The following PHGDH variants were observed in gnomAD, a reference collection of about 807,000 sequenced individuals.
PHGDH encodes D-3-phosphoglycerate dehydrogenase.
A neutral mutation model predicts 52.6 loss-of-function variants in PHGDH; 50 were observed. The observed-to-expected ratio is 0.95, with a 90% CI of 0.76 to 1.20. The LOEUF (loss-of-function observed/expected upper bound fraction) is 1.20. PHGDH is among the 50% of genes most tolerant of loss of function. The pLI is 0.00. For missense variants in PHGDH, 630 were observed against 684.6 expected (o/e 0.92, Z 0.89); for synonymous variants, 271 against 280.5 (o/e 0.97, Z 0.34).
At chr1:119,739,562 T>C (rs1359225759) in intron 8 of PHGDH, 2 of 152,252 alleles carry the variant, frequency 1.3e-5, no homozygotes, top group Non-Finnish European at 2.9e-5. Context: ...GATATCTTTA[T>C]GAAAACAGAA....
At chr1:119,732,998 G>A (rs957043660) in intron 5 of PHGDH, among the ~76,000 whole-genome samples, 4 of 152,238 alleles carry the variant, frequency 2.6e-5, no homozygotes, top group Admixed American at 1.3e-4. Context: ...GCCAGCAGAC[G>A]AAGAAGACTT....
intron 5 of PHGDH, among the ~76,000 whole-genome samples, chr1:119,730,250 CACAAG>C (rs1455211471): frequency 6.6e-6 from 1 of 152,190 alleles, no homozygotes; most frequent in Non-Finnish European, 1.5e-5. Context: ...GTTTATTAAA[CACAAG>C]TTATTTCATA....
chr1:119,742,986 G>A lies in PHGDH; in HGVS notation c.1389G>A (p.Leu463=). 4 of 1,614,172 alleles carry A rather than the reference G, an allele frequency of 2.5e-6. No individual in the cohort carries two copies. The highest frequency in any genetic ancestry group is 3.4e-6 in the Non-Finnish European group (4 of 1,179,970). ...FRPEVPLRRD[L]PLLLFRTQTS... is the part of the protein sequence containing the mutation. ...CAGAAGTGCCTCTCCGCAGGGACCT[G>A]CCCCTGCTCCTATTCCGGACTCAGA... Residue 463 remains leucine, a synonymous_variant, in exon 11 of 12, where the codon CTG becomes CTA. Coordinates refer to ENST00000641023, the MANE Select transcript of PHGDH (RefSeq NM_006623.4).
At chr1:119,730,033 G>T (rs1170240192) in intron 5 of PHGDH, 1 of 152,150 alleles carries the variant, frequency 6.6e-6, no homozygotes, top group Non-Finnish European at 1.5e-5. Flanking sequence ...TCATTCCGGA[G>T]AGTCTAAGTG....
intron 3 of PHGDH, chr1:119,725,117 A>G (rs1164192799): frequency 2.5e-6 from 1 of 406,778 alleles, no homozygotes; most frequent in African/African-American, 2.1e-5. Context: ...GAGAGAATCA[A>G]CAAATGTAGG....
At chr1:119,712,186 G>T (rs374927702) in intron 1 of PHGDH, 26 bp downstream of exon 1, 1 of 1,608,366 alleles carries the variant, frequency 6.2e-7, no homozygotes, top group Non-Finnish European at 8.5e-7. Flanking sequence ...GAAAATTGAG[G>T]TCTCTAGGGC....
chr1:119,735,855 T>A (rs189869340), intron 7 of PHGDH, among the ~76,000 whole-genome samples: 1 of 152,204 alleles, frequency 6.6e-6, no homozygotes, highest in Admixed American at 6.5e-5. Context: ...TCAGTGTCCA[T>A]GGGCATTCTT....
At chr1:119,724,676 TGAGTAAG>T in intron 3 of PHGDH, 1 of 391,138 alleles carries the variant, frequency 2.6e-6, no homozygotes, top group Non-Finnish European at 4.9e-6. Flanking sequence ...TTTTTTTTTT[TGAGTAAG>T]GGAAAAGATC....
chr1:119,743,127 T>G (rs1384582660), intron 11 of PHGDH, 83 bp downstream of exon 11: 2 of 881,114 alleles, frequency 2.3e-6, no homozygotes, highest in Non-Finnish European at 3.9e-6. Context: ...CCCACCTTCC[T>G]TTAGCCCCTC....
chr1:119,714,216 G>A (rs587642960), intron 1 of PHGDH, among the ~76,000 whole-genome samples: 1 of 152,206 alleles, frequency 6.6e-6, no homozygotes, highest in East Asian at 1.9e-4. Context: ...AGTGTCTCCT[G>A]CCCTCCCCCA....
At chr1:119,741,469 T>C (rs2101219628) in intron 9 of PHGDH, among the ~76,000 whole-genome samples, 1 of 152,254 alleles carries the variant, frequency 6.6e-6, no homozygotes. Flanking sequence ...GGGAGAATAA[T>C]AGGTAGGCCA....
chr1:119,717,938 C>T (rs937173756), intron 1 of PHGDH, among the ~76,000 whole-genome samples: 6 of 152,062 alleles, frequency 3.9e-5, no homozygotes, highest in East Asian at 3.9e-4. Flanking sequence ...TGGTTTCTAC[C>T]GGCCTCTCAT....
chr1:119,740,320 C>G, intron 8 of PHGDH, 66 bp from the exon 9 acceptor site: 1 of 1,590,378 alleles, frequency 6.3e-7, no homozygotes. Context: ...TCTTGGCAGC[C>G]AGATCTTGAT....
intron 8 of PHGDH, chr1:119,740,103 T>C (rs1218650403): frequency 4.5e-6 from 2 of 449,222 alleles, no homozygotes; most frequent in Non-Finnish European, 8.3e-6. Context: ...CAGAAACAAG[T>C]CTCCCATGGA....
At chr1:119,728,376 T>C (rs1651540329) in intron 5 of PHGDH, among the ~76,000 whole-genome samples, 1 of 152,190 alleles carries the variant, frequency 6.6e-6, no homozygotes, top group African/African-American at 2.4e-5. Context: ...GAGCCTTACA[T>C]CCATTGTCCA....
intron 1 of PHGDH, chr1:119,712,671 G>A (rs900885870): frequency 1.0e-4 from 19 of 188,796 alleles, no homozygotes; most frequent in African/African-American, 4.5e-4. Flanking sequence ...CCTTGGCGGT[G>A]GCGGGGTTGG....
rs1441422663 is a variant in PHGDH at position 119,721,256 on chromosome 1, G to A, written c.225G>A (p.Arg75=). ...NAAEKLQVVG[R]AGTGVDNVDL... ...CTGAGAAACTCCAGGTGGTGGGCAG[G>A]GCTGGCACAGGTGTGGACAATGTGG... Residue 75 remains arginine, a synonymous_variant, in exon 2 of 12, where the codon AGG becomes AGA. Coordinates refer to ENST00000641023, the MANE Select transcript of PHGDH (RefSeq NM_006623.4). The A allele has an allele frequency of 8.1e-6, 13 of 1,614,060 alleles. No homozygotes were observed. The highest frequency in any genetic ancestry group is 1.0e-5 in the Non-Finnish European group (12 of 1,180,052).
At chr1:119,724,359 G>A (rs142961894) in intron 3 of PHGDH, 19 of 200,150 alleles carry the variant, frequency 9.5e-5, no homozygotes, top group African/African-American at 4.2e-4. Context: ...TTTTCCCATG[G>A]CGAGACCTGC....
chr1:119,740,566 T>C, intron 9 of PHGDH, 48 bp downstream of exon 9: 1 of 1,477,826 alleles, frequency 6.8e-7, no homozygotes, highest in Admixed American at 2.0e-5. Context: ...GATGAGGGAG[T>C]GTGGGATCTG....
Sources: gnomAD v4.1 joint callset for allele counts (sites outside exome capture counted in the v4.1 genomes callset) on GRCh38, gnomAD v4.1.1 for gene constraint, MANE v1.5 for transcripts, NCBI Gene and HGNC (gene_info 2026-07-23, HGNC 2026-07-21) for gene names.